ARFGEF2: variants seen among roughly 807,000 people sequenced by gnomAD.
ARFGEF2 encodes brefeldin A-inhibited guanine nucleotide-exchange protein 2.
ARFGEF2 carries 74 observed loss-of-function variants against 219.9 expected under a neutral mutation model. The observed-to-expected ratio is 0.34, with a 90% CI of 0.28 to 0.41. The LOEUF is 0.41. ARFGEF2 is among the 10% of genes least tolerant of loss of function. The pLI is 1.00. For synonymous variants in ARFGEF2, 733 were observed against 799.2 expected (o/e 0.92, Z 1.40); for missense variants, 1,743 against 2,218.3 (o/e 0.79, Z 4.30).
chr20:48,959,066 C>T (rs1184019691), intron 6 of ARFGEF2, among the ~76,000 whole-genome samples: 1 of 152,076 alleles, frequency 6.6e-6, no homozygotes, highest in Non-Finnish European at 1.5e-5. Flanking sequence ...TAAATGTTGG[C>T]AGCTAATTCA....
At chr20:48,923,351 T>C (rs924809149) in intron 1 of ARFGEF2, among the ~76,000 whole-genome samples, 3 of 152,214 alleles carry the variant, frequency 2.0e-5, no homozygotes, top group African/African-American at 7.2e-5. Context: ...GTAGTGTTCT[T>C]TTGGCATTTA....
Position 48,989,558 on chromosome 20 carries a change from G to C in ARFGEF2, c.2688G>C (p.Leu896=). The change falls in exon 20 of 39, where the codon CTG becomes CTC. Residue 896 remains leucine (L), a splice_region_variant and synonymous_variant. Transcript: ENST00000371917. ...TTGAAATCTTCCTTCCATGATAGCT[G>C]GTGTGGACGCCACTATTGGCAGCCT... ...HLDHVRPMFK[L]VWTPLLAAYS... The C allele has an allele frequency of 6.2e-7, 1 of 1,614,224 alleles. No individual in the cohort carries two copies. Among genetic ancestry groups the C allele is most frequent in the Non-Finnish European group, 8.5e-7 (1 of 1,180,042 alleles).
intron 7 of ARFGEF2, among the ~76,000 whole-genome samples, chr20:48,964,992 G>A (rs963644854): frequency 3.3e-5 from 5 of 152,102 alleles, no homozygotes; most frequent in African/African-American, 1.2e-4. Context: ...TCTTACAGAG[G>A]TCAAGATTTG....
At chr20:48,994,365 T>C in intron 21 of ARFGEF2, 86 bp from the exon 22 acceptor site, 1 of 1,575,234 alleles carries the variant, frequency 6.3e-7, no homozygotes, top group Non-Finnish European at 8.7e-7. Flanking sequence ...TGAACCAACT[T>C]TTTTTTAATG....
intron 33 of ARFGEF2, among the ~76,000 whole-genome samples, chr20:49,017,821 G>A (rs1399274290): frequency 6.6e-6 from 1 of 152,186 alleles, no homozygotes; most frequent in Non-Finnish European, 1.5e-5. Flanking sequence ...TTTGAAATGA[G>A]GGATCAGTTA....
At chr20:48,999,566 T>G (rs1185645444) in intron 25 of ARFGEF2, among the ~76,000 whole-genome samples, 1 of 151,810 alleles carries the variant, frequency 6.6e-6, no homozygotes, top group Non-Finnish European at 1.5e-5. Flanking sequence ...GCTAACATGG[T>G]GAAACCCCAT....
intron 4 of ARFGEF2, 26 bp downstream of exon 4, chr20:48,951,495 G>A: frequency 6.2e-7 from 1 of 1,613,922 alleles, no homozygotes. Context: ...TGCCTGTCTG[G>A]TTTTTAAATT....
intron 21 of ARFGEF2, among the ~76,000 whole-genome samples, chr20:48,991,667 G>C (rs1169618406): frequency 6.6e-5 from 10 of 152,066 alleles, no homozygotes. Flanking sequence ...TTACTTATGT[G>C]TACAACAATG....
At chr20:48,937,861 T>C (rs576452826) in intron 1 of ARFGEF2, among the ~76,000 whole-genome samples, 9 of 152,272 alleles carry the variant, frequency 5.9e-5, no homozygotes, top group Middle Eastern at 3.4e-3. Flanking sequence ...AAACAGACTT[T>C]GGAGATTTCA....
rs535090437 is a variant in ARFGEF2 at position 49,031,506 on chromosome 20, G to C, written c.5064-543G>C. Among the ~76,000 whole-genome samples the C allele has an allele frequency of 5.9e-5, 9 of 152,206 alleles. No individual in the cohort carries two copies. The East Asian group carries it at 1.7e-3, about 29-fold the overall frequency. On this transcript the variant is annotated intron_variant, in intron 37 of 38. Coordinates refer to ENST00000371917, the MANE Select transcript of ARFGEF2 (RefSeq NM_006420.3). ...GGCCTCCCAGAGTGCTGGGATTATA[G>C]GCATGAGTCACTGCACCTGGCCAGG...
chr20:48,930,953 T>G (rs1199526503), intron 1 of ARFGEF2, among the ~76,000 whole-genome samples: 1 of 152,160 alleles, frequency 6.6e-6, no homozygotes, highest in East Asian at 1.9e-4. Context: ...AATATGTGGT[T>G]ATGAAGCCCG....
chr20:48,991,341 G>A lies in ARFGEF2; in HGVS notation c.2973+143G>A, dbSNP rs1464950632. 4 of 1,217,496 alleles carry A rather than the reference G, an allele frequency of 3.3e-6. No homozygotes were observed. In the African/African-American group the frequency reaches 4.5e-5, roughly 14 times the overall value. The allele number at this position is 1,217,496 out of a possible 1,614,324, so 75.4% of individuals were successfully genotyped here. A position where few individuals can be genotyped will look rare whatever the true frequency, so the allele number is the denominator to read the frequency against. ...TGTATCTGGAAGTCACCCTCTCTGG[G>A]GCTGTGAAAGGCGGGGGCGAGTTCA... On this transcript the variant is annotated intron_variant, in intron 21 of 38. Coordinates refer to ENST00000371917, the MANE Select transcript of ARFGEF2 (RefSeq NM_006420.3).
At chr20:49,011,811 C>G (rs1171951842) in intron 27 of ARFGEF2, 113 bp from the exon 28 acceptor site, 1 of 1,239,762 alleles carries the variant, frequency 8.1e-7, no homozygotes, top group Non-Finnish European at 1.2e-6. Flanking sequence ...TAGATTTTCA[C>G]AGTTAATTAT....
chr20:48,947,227 C>T (rs2091034273), intron 3 of ARFGEF2, among the ~76,000 whole-genome samples: 4 of 149,960 alleles, frequency 2.7e-5, no homozygotes, highest in African/African-American at 9.8e-5. Context: ...GGTGAGACCC[C>T]ATCTCTGCTA....
chr20:48,984,471 G>C (rs998597317), intron 14 of ARFGEF2, among the ~76,000 whole-genome samples: 1 of 152,212 alleles, frequency 6.6e-6, no homozygotes, highest in Non-Finnish European at 1.5e-5. Flanking sequence ...AGTGTGTCCA[G>C]CTAACACGTA....
At position 49,025,122 on chromosome 20, in the gene ARFGEF2, C is replaced by T. The variant is rs370852073; in HGVS notation, c.4756-191C>T. Among the ~76,000 whole-genome samples, 14 of 152,308 alleles carry T rather than the reference C, an allele frequency of 9.2e-5. No homozygotes were observed. In the East Asian group the frequency reaches 2.1e-3, roughly 23 times the overall value. On this transcript the variant is annotated intron_variant, in intron 35 of 38. Coordinates refer to ENST00000371917, the MANE Select transcript of ARFGEF2 (RefSeq NM_006420.3). ...GCCAGCCAAGCCTGCCATCATGGAACGGCTCAGTGTGTTCCTTCACCAGCC... is the reference window on the plus strand; with the variant it reads ...GCCAGCCAAGCCTGCCATCATGGAATGGCTCAGTGTGTTCCTTCACCAGCC...
intron 34 of ARFGEF2, among the ~76,000 whole-genome samples, chr20:49,020,031 T>C (rs1292754178): frequency 6.6e-6 from 1 of 152,230 alleles, no homozygotes; most frequent in Non-Finnish European, 1.5e-5. Flanking sequence ...GTAATCCTCA[T>C]AGTAGCCTTT....
chr20:48,994,382 T>C, intron 21 of ARFGEF2, 69 bp from the exon 22 acceptor site: 1 of 1,600,078 alleles, frequency 6.2e-7, no homozygotes, highest in Non-Finnish European at 8.5e-7. Flanking sequence ...AATGACTAAC[T>C]TAAGATTACA....
chr20:48,984,994 C>A, intron 15 of ARFGEF2, 154 bp downstream of exon 15: 1 of 823,144 alleles, frequency 1.2e-6, no homozygotes, highest in African/African-American at 1.8e-5. Flanking sequence ...CGGGTTACAG[C>A]AGTCCTGTGT....
Sources: gnomAD v4.1 joint callset for allele counts (sites outside exome capture counted in the v4.1 genomes callset) on GRCh38, gnomAD v4.1.1 for gene constraint, MANE v1.5 for transcripts, NCBI Gene and HGNC (gene_info 2026-07-23, HGNC 2026-07-21) for gene names.